The following CLYBL variants were observed in gnomAD, a reference collection of about 807,000 sequenced individuals.
CLYBL encodes the protein citramalyl-CoA lyase, mitochondrial.
In CLYBL, 31 loss-of-function variants were observed where a neutral mutation model predicts 38.9. The ratio of observed to expected loss-of-function variants is 0.80; its 90% CI spans 0.60 to 1.08. The LOEUF is 1.08. Ranked by LOEUF, CLYBL falls within the 50% of genes least tolerant of loss-of-function variation. CLYBL has a pLI of 0.00. For synonymous variants in CLYBL, 171 were observed against 158.6 expected (o/e 1.08, Z -0.59); for missense variants, 434 against 411.6 (o/e 1.05, Z -0.47).
intron 2 of CLYBL, among the ~76,000 whole-genome samples, chr13:99,781,263 T>C (rs974477219): frequency 2.6e-5 from 4 of 151,522 alleles, no homozygotes; most frequent in African/African-American, 9.7e-5. Context: ...CTCCGCCTCC[T>C]GTGTTCACGC....
At chr13:99,690,689 T>C (rs1266148503) in intron 1 of CLYBL, 1 of 152,162 alleles carries the variant, frequency 6.6e-6, no homozygotes, top group Non-Finnish European at 1.5e-5. Context: ...CAGGCACAAC[T>C]CTTTTGAAAG....
At chr13:99,767,438 G>T (rs182761867) in intron 1 of CLYBL, among the ~76,000 whole-genome samples, 3 of 152,216 alleles carry the variant, frequency 2.0e-5, no homozygotes, top group African/African-American at 7.2e-5. Flanking sequence ...GTGTCTTTGA[G>T]TTCATCTTAC....
At position 99,885,367 on chromosome 13, in the gene CLYBL, G is replaced by A. The variant is rs565551942; in HGVS notation, c.928-5951G>A. ...ACAGGGCATGCGGCAGAGCTGCAGCGTGGTGTGTGTTGGGGTACAGGCCTC... is the reference window on the plus strand; with the variant it reads ...ACAGGGCATGCGGCAGAGCTGCAGCATGGTGTGTGTTGGGGTACAGGCCTC... On this transcript the variant is annotated intron_variant, in intron 7 of 8. Coordinates refer to ENST00000339105, the MANE Select transcript of CLYBL (RefSeq NM_206808.5). 9.4e-4 allele frequency among the ~76,000 whole-genome samples: 143 copies of A among 152,240 alleles called. 1 individual carries two copies. Among genetic ancestry groups the A allele is most frequent in the Admixed American group, 4.4e-3 (68 of 15,308 alleles).
chr13:99,797,863 G>A (rs1318122054), intron 2 of CLYBL, among the ~76,000 whole-genome samples: 1 of 152,148 alleles, frequency 6.6e-6, no homozygotes, highest in Non-Finnish European at 1.5e-5. Context: ...CTGTCTTCCT[G>A]TTTATTGATA....
chr13:99,728,254 T>C (rs1034170219), intron 1 of CLYBL, among the ~76,000 whole-genome samples: 3 of 151,292 alleles, frequency 2.0e-5, no homozygotes, highest in African/African-American at 7.3e-5. Context: ...TATTAATACT[T>C]AATATACATA....
intron 1 of CLYBL, among the ~76,000 whole-genome samples, chr13:99,768,030 G>C (rs1055481531): frequency 1.7e-4 from 26 of 151,930 alleles, no homozygotes; most frequent in Non-Finnish European, 3.8e-4. Flanking sequence ...GTTGAAAAGT[G>C]AATGTTTGAA....
intron 2 of CLYBL, among the ~76,000 whole-genome samples, chr13:99,821,175 C>T (rs575700179): frequency 6.6e-5 from 10 of 152,224 alleles, no homozygotes; most frequent in Non-Finnish European, 8.8e-5. Context: ...TAATCTTGGT[C>T]CTATTCCTAA....
At chr13:99,723,270 C>G (rs2048420811) in intron 1 of CLYBL, among the ~76,000 whole-genome samples, 2 of 152,186 alleles carry the variant, frequency 1.3e-5, no homozygotes, top group Non-Finnish European at 2.9e-5. Flanking sequence ...GATTTTCTCA[C>G]TGAACACTTC....
chr13:99,637,207 A>G (rs947602822), intron 1 of CLYBL, among the ~76,000 whole-genome samples: 2 of 152,174 alleles, frequency 1.3e-5, no homozygotes, highest in African/African-American at 4.8e-5. Flanking sequence ...GTGCCAGGGT[A>G]ATAGAGGCTA....
intron 2 of CLYBL, among the ~76,000 whole-genome samples, chr13:99,776,340 C>CA (rs1212172197): frequency 6.6e-6 from 1 of 150,804 alleles, no homozygotes; most frequent in Non-Finnish European, 1.5e-5. Context: ...ACTAAAAATA[C>CA]AAAAAATCAG....
At chr13:99,862,427 C>G (rs1048180056) in intron 3 of CLYBL, among the ~76,000 whole-genome samples, 1 of 152,104 alleles carries the variant, frequency 6.6e-6, no homozygotes, top group African/African-American at 2.4e-5. Flanking sequence ...AAAAAATTGG[C>G]GAGCTTTGGT....
intron 1 of CLYBL, among the ~76,000 whole-genome samples, chr13:99,770,248 C>T (rs551102501): frequency 3.4e-4 from 51 of 150,772 alleles, no homozygotes; most frequent in Admixed American, 2.5e-3. Context: ...CGACTGTGCC[C>T]GGCTGATATT....
At chr13:99,845,499 A>G (rs947470137) in intron 2 of CLYBL, among the ~76,000 whole-genome samples, 13 of 152,266 alleles carry the variant, frequency 8.5e-5, no homozygotes, top group Admixed American at 6.5e-4. Flanking sequence ...GAAAAAGTCA[A>G]TGTGAAGAGC....
intron 1 of CLYBL, among the ~76,000 whole-genome samples, chr13:99,698,889 T>C (rs1189657400): frequency 6.6e-6 from 1 of 152,232 alleles, no homozygotes; most frequent in African/African-American, 2.4e-5. Flanking sequence ...GTCACCTTTT[T>C]CTGTTGCTGT....
rs764705741 is a variant in CLYBL, at chr13:99,731,082, C to CAAAA, written c.63-41721_63-41718dup. 5.4e-3 allele frequency among the ~76,000 whole-genome samples: 310 copies of CAAAA among 57,010 alleles called. 8 individuals are homozygous for CAAAA. The highest frequency in any genetic ancestry group is 0.022 in the African/African-American group (286 of 13,116). The allele number at this position is 57,010 out of a possible 152,430, so 37.4% of individuals were successfully genotyped here. A position where few individuals can be genotyped will look rare whatever the true frequency, so the allele number is the denominator to read the frequency against. On this transcript the variant is annotated intron_variant, in intron 1 of 8. Coordinates refer to ENST00000339105, the MANE Select transcript of CLYBL (RefSeq NM_206808.5). ...TGGGTGACAGAGTGAGACTCTGTTTCAAAAAAAAAAAAAAAAAAAAAAAAG... is the reference window on the plus strand; with the variant it reads ...TGGGTGACAGAGTGAGACTCTGTTTCAAAAAAAAAAAAAAAAAAAAAAAAAAAAG...
At chr13:99,884,984 G>C (rs558953844) in intron 7 of CLYBL, 22 of 481,892 alleles carry the variant, frequency 4.6e-5, no homozygotes, top group South Asian at 3.4e-4. Context: ...CAGGTAGGTC[G>C]GTATTGCTGC....
At chr13:99,755,719 A>G (rs189948255) in intron 1 of CLYBL, among the ~76,000 whole-genome samples, 3 of 152,082 alleles carry the variant, frequency 2.0e-5, no homozygotes, top group Non-Finnish European at 4.4e-5. Context: ...GCTCCCATGA[A>G]GTCTCCCAGA....
intron 1 of CLYBL, among the ~76,000 whole-genome samples, chr13:99,629,469 C>T (rs1237515601): frequency 3.3e-5 from 5 of 152,264 alleles, no homozygotes; most frequent in South Asian, 4.1e-4. Context: ...ATCTGGGCAG[C>T]GCTCTCCCTG....
At chr13:99,655,670 C>T (rs1566600752) in intron 1 of CLYBL, among the ~76,000 whole-genome samples, 1 of 152,210 alleles carries the variant, frequency 6.6e-6, no homozygotes, top group African/African-American at 2.4e-5. Flanking sequence ...TATTTGAAGC[C>T]TGGGAAGCTG....
Sources: gnomAD v4.1 joint callset for allele counts (sites outside exome capture counted in the v4.1 genomes callset) on GRCh38, gnomAD v4.1.1 for gene constraint, MANE v1.5 for transcripts, NCBI Gene and HGNC (gene_info 2026-07-23, HGNC 2026-07-21) for gene names.